The following SNTG1 variants were observed in gnomAD, a reference collection of about 807,000 sequenced individuals.
SNTG1 encodes the protein gamma-1-syntrophin.
In SNTG1, 39 loss-of-function variants were observed where a neutral mutation model predicts 74.7. The observed-to-expected ratio is 0.52, with a 90% CI of 0.40 to 0.68. The LOEUF (loss-of-function observed/expected upper bound fraction) is 0.68, where lower values mean the gene tolerates loss of function less well. Ranked by LOEUF, SNTG1 falls within the 30% of genes least tolerant of loss-of-function variation. The pLI is 0.00. For missense variants in SNTG1, 685 were observed against 609.5 expected (o/e 1.12, Z -1.30); for synonymous variants, 254 against 217.1 (o/e 1.17, Z -1.49).
chr8:50,486,491 C>T (rs2093795893), intron 8 of SNTG1, among the ~76,000 whole-genome samples: 2 of 113,494 alleles, frequency 1.8e-5, no homozygotes, highest in Non-Finnish European at 3.8e-5. Flanking sequence ...ATTTTTTGTA[C>T]ATTGATTTTG....
At chr8:50,073,931 G>C (rs966893579) in intron 1 of SNTG1, among the ~76,000 whole-genome samples, 2 of 148,754 alleles carry the variant, frequency 1.3e-5, no homozygotes, top group African/African-American at 5.0e-5. Context: ...TCCATTTCTA[G>C]AGCACAAGCA....
In SNTG1 at chr8:50,793,052, T is replaced by G. The variant is rs2095695865; in HGVS notation, c.*223T>G. On this transcript the variant is annotated 3_prime_UTR_variant, in exon 19 of 19. Coordinates refer to ENST00000642720, the MANE Select transcript of SNTG1 (RefSeq NM_018967.5). ...ACAGAACAGCTTGTTCTCACTCAGT[T>G]GCTTTGTACCAGTAAGTGTATTGCT... 2.7e-6 allele frequency: 1 copy of G among 375,160 alleles called. No individual in the cohort carries two copies. The highest frequency in any genetic ancestry group is 4.7e-6 in the Non-Finnish European group (1 of 212,760). The allele number at this position is 375,160 out of a possible 1,614,324, so 23.2% of individuals were successfully genotyped here.
intron 17 of SNTG1, among the ~76,000 whole-genome samples, chr8:50,732,417 A>G (rs948813352): frequency 2.6e-5 from 4 of 151,956 alleles, no homozygotes; most frequent in African/African-American, 9.7e-5. Flanking sequence ...TTGTTTTAAC[A>G]TAAAATAAAT....
chr8:50,408,738 A>G (rs1273864971), intron 4 of SNTG1, among the ~76,000 whole-genome samples: 1 of 152,210 alleles, frequency 6.6e-6, no homozygotes, highest in African/African-American at 2.4e-5. Context: ...CCCAGGCGTC[A>G]TGCCAAGTAA....
At chr8:50,103,647 A>T (rs1257495527) in intron 1 of SNTG1, among the ~76,000 whole-genome samples, 2 of 152,198 alleles carry the variant, frequency 1.3e-5, no homozygotes, top group Non-Finnish European at 2.9e-5. Context: ...CCAGTTTTCA[A>T]AGGGAATGCT....
intron 18 of SNTG1, among the ~76,000 whole-genome samples, chr8:50,790,666 T>G (rs1585805997): frequency 6.6e-6 from 1 of 152,034 alleles, no homozygotes; most frequent in East Asian, 1.9e-4. Flanking sequence ...AGAGTCAAAC[T>G]TGGATCCATC....
At chr8:50,604,277 G>C (rs1380421553) in intron 13 of SNTG1, among the ~76,000 whole-genome samples, 1 of 152,058 alleles carries the variant, frequency 6.6e-6, no homozygotes, top group Non-Finnish European at 1.5e-5. Context: ...AATTAGCTGG[G>C]CATGATGGCA....
chr8:50,351,249 G>A (rs1439760580), intron 2 of SNTG1, among the ~76,000 whole-genome samples: 3 of 152,208 alleles, frequency 2.0e-5, no homozygotes, highest in Non-Finnish European at 4.4e-5. Context: ...AGTTGTGGGA[G>A]TTTCAGTGCA....
chr8:50,187,305 G>C (rs2083420365), intron 2 of SNTG1, among the ~76,000 whole-genome samples: 1 of 152,020 alleles, frequency 6.6e-6, no homozygotes, highest in South Asian at 2.1e-4. Context: ...CAAGGTACTG[G>C]TACCAAAACA....
At chr8:50,587,774 G>A (rs2094661235) in intron 12 of SNTG1, among the ~76,000 whole-genome samples, 1 of 151,264 alleles carries the variant, frequency 6.6e-6, no homozygotes, top group Admixed American at 6.6e-5. Flanking sequence ...GCCAGCCTGG[G>A]GGACGAGAGT....
At chr8:50,381,817 T>C (rs1015674338) in intron 2 of SNTG1, 16 of 138,080 alleles carry the variant, frequency 1.2e-4, no homozygotes, top group African/African-American at 4.0e-4. Context: ...TGTAGCTATA[T>C]ATATAACATA....
At chr8:50,048,278 A>G (rs182342994) in intron 1 of SNTG1, among the ~76,000 whole-genome samples, 22 of 152,284 alleles carry the variant, frequency 1.4e-4, no homozygotes, top group Admixed American at 1.2e-3. Context: ...AAGATAAACC[A>G]AGAGAAAAAA....
chr8:50,032,972 A>G (rs1025966933), intron 1 of SNTG1, among the ~76,000 whole-genome samples: 2 of 152,014 alleles, frequency 1.3e-5, no homozygotes, highest in African/African-American at 4.8e-5. Flanking sequence ...AAAATTTCCT[A>G]CATAGACATT....
intron 9 of SNTG1, among the ~76,000 whole-genome samples, chr8:50,510,662 G>A (rs1243959232): frequency 6.6e-6 from 1 of 152,118 alleles, no homozygotes; most frequent in Non-Finnish European, 1.5e-5. Flanking sequence ...ATATGTCGAG[G>A]AATTTATCCA....
chr8:50,188,498 G>GT (rs2083460722), intron 2 of SNTG1, among the ~76,000 whole-genome samples: 1 of 152,124 alleles, frequency 6.6e-6, no homozygotes, highest in Admixed American at 6.6e-5. Flanking sequence ...CTACACAAGA[G>GT]TTTTTTCACC....
At chr8:50,501,025 A>G (rs310557) in intron 8 of SNTG1, among the ~76,000 whole-genome samples, 21,259 of 152,082 alleles carry the variant, frequency 0.14, 1,604 homozygotes, top group African/African-American at 0.18. Context: ...ACCCCTGCCA[A>G]TGATCCTAGT....
chr8:50,331,154 G>T (rs1302331007), intron 2 of SNTG1, among the ~76,000 whole-genome samples: 1 of 152,134 alleles, frequency 6.6e-6, no homozygotes, highest in Non-Finnish European at 1.5e-5. Context: ...CTATATAACT[G>T]TCAGGGAAAT....
At chr8:50,769,047 T>C (rs1458433149) in intron 18 of SNTG1, among the ~76,000 whole-genome samples, 1 of 151,952 alleles carries the variant, frequency 6.6e-6, no homozygotes, top group Non-Finnish European at 1.5e-5. Flanking sequence ...TGAATTATTT[T>C]TATTTTTCAT....
chr8:50,606,511 T>C (rs1032131908), intron 13 of SNTG1, among the ~76,000 whole-genome samples: 1 of 152,064 alleles, frequency 6.6e-6, no homozygotes, highest in African/African-American at 2.4e-5. Context: ...TAGACAATTA[T>C]GTTATCTACA....
Sources: allele counts gnomAD v4.1 joint callset (sites outside exome capture counted in the v4.1 genomes callset), GRCh38; gene constraint gnomAD v4.1.1; transcripts MANE v1.5; gene names NCBI Gene and HGNC (gene_info 2026-07-23, HGNC 2026-07-21).